The following FCHSD2 variants were observed in gnomAD, a reference collection of about 807,000 sequenced individuals.
The protein encoded by FCHSD2 is F-BAR and double SH3 domains protein 2.
In FCHSD2, 38 loss-of-function variants were observed where a neutral mutation model predicts 108.1. The observed-to-expected ratio is 0.35, with a 90% confidence interval of 0.27 to 0.46. The LOEUF (loss-of-function observed/expected upper bound fraction) is 0.46, where lower values mean the gene tolerates loss of function less well. Among genes scored for constraint, FCHSD2 ranks in the 20% least tolerant of loss-of-function variants. The pLI is 1.00. For missense variants in FCHSD2, 751 were observed against 897.8 expected (o/e 0.84, Z 2.09); for synonymous variants, 279 against 314.7 (o/e 0.89, Z 1.20).
At chr11:72,920,315 T>C (rs1267741368) in intron 9 of FCHSD2, among the ~76,000 whole-genome samples, 1 of 152,166 alleles carries the variant, frequency 6.6e-6, no homozygotes, top group Non-Finnish European at 1.5e-5. Flanking sequence ...ACATCAAATC[T>C]GATAAATGAA....
At chr11:72,885,995 C>A (rs577242230) in intron 12 of FCHSD2, among the ~76,000 whole-genome samples, 1 of 152,260 alleles carries the variant, frequency 6.6e-6, no homozygotes, top group African/African-American at 2.4e-5. Context: ...TGGGGCTGTA[C>A]CAAAAACATG....
intron 18 of FCHSD2, 86 bp from the exon 19 acceptor site, chr11:72,841,045 G>T (rs1860913974): frequency 1.0e-6 from 1 of 995,992 alleles, no homozygotes; most frequent in East Asian, 2.5e-5. Context: ...GCTTGAGCCT[G>T]TAATCCCAGC....
chr11:72,926,885 C>T (rs969305573), intron 8 of FCHSD2, among the ~76,000 whole-genome samples: 11 of 152,036 alleles, frequency 7.2e-5, no homozygotes, highest in African/African-American at 2.7e-4. Flanking sequence ...GAATGTCAGC[C>T]AGAATTATAC....
chr11:72,858,432 C>T (rs1482671915), intron 13 of FCHSD2, among the ~76,000 whole-genome samples: 6 of 152,190 alleles, frequency 3.9e-5, no homozygotes, highest in Admixed American at 1.3e-4. Flanking sequence ...GAATACTATG[C>T]AGCCATAAAG....
rs1442955992 is a variant in FCHSD2 at position 72,887,862 on chromosome 11, TGA to T, written c.1042-290_1042-289del. Among the ~76,000 whole-genome samples the T allele has an allele frequency of 2.6e-5, 4 of 152,232 alleles. No homozygotes were observed. The East Asian group carries it at 7.7e-4, about 29-fold the overall frequency. ...TGAGACCATCCAATACTCAGATTAG[TGA>T]GAGATAATGTAAAAACCCTCTTGTT... On this transcript the variant is annotated intron_variant, in intron 11 of 19. Coordinates refer to ENST00000409418, the MANE Select transcript of FCHSD2 (RefSeq NM_014824.3).
chr11:72,980,653 A>ATGTATG (rs1857194785), intron 8 of FCHSD2, among the ~76,000 whole-genome samples: 1 of 134,166 alleles, frequency 7.5e-6, no homozygotes, highest in Non-Finnish European at 1.6e-5. Context: ...TCATGTATAT[A>ATGTATG]TGTATGTGTA....
chr11:72,986,481 T>C (rs1413395339), intron 6 of FCHSD2, among the ~76,000 whole-genome samples: 7 of 152,222 alleles, frequency 4.6e-5, no homozygotes, highest in Admixed American at 2.6e-4. Context: ...AGTGCTGGGA[T>C]TACAGGCGTG....
At chr11:72,840,483 T>C (rs573541908) in intron 19 of FCHSD2, among the ~76,000 whole-genome samples, 120 of 152,344 alleles carry the variant, frequency 7.9e-4, no homozygotes, top group African/African-American at 2.8e-3. Context: ...ATAAACGCTC[T>C]TTAAGGCCAT....
intron 3 of FCHSD2, among the ~76,000 whole-genome samples, chr11:73,023,408 A>G (rs971320469): frequency 1.3e-5 from 2 of 152,210 alleles, no homozygotes; most frequent in Admixed American, 1.3e-4. Context: ...CAAAGAAGAT[A>G]TAAGAATGGC....
intron 2 of FCHSD2, among the ~76,000 whole-genome samples, chr11:73,090,219 C>CTTTTT (rs59603567): frequency 2.9e-4 from 22 of 77,020 alleles, no homozygotes; most frequent in East Asian, 7.3e-4. Context: ...TACAATACTT[C>CTTTTT]TTTTTTTTTT....
At chr11:72,856,742 T>C (rs932965402) in intron 13 of FCHSD2, among the ~76,000 whole-genome samples, 1 of 152,324 alleles carries the variant, frequency 6.6e-6, no homozygotes, top group South Asian at 2.1e-4. Context: ...ACTGAGTCTT[T>C]TGCCACTCAC....
At chr11:73,103,830 G>A (rs1860278497) in intron 2 of FCHSD2, among the ~76,000 whole-genome samples, 1 of 152,152 alleles carries the variant, frequency 6.6e-6, no homozygotes, top group Admixed American at 6.5e-5. Context: ...ACATTAACTT[G>A]ATGTGGTATT....
chr11:73,057,996 C>T (rs1859069271), intron 3 of FCHSD2, among the ~76,000 whole-genome samples: 2 of 152,120 alleles, frequency 1.3e-5, no homozygotes, highest in African/African-American at 4.8e-5. Flanking sequence ...CCTCCTGCCT[C>T]AGCTTCCCGA....
At chr11:73,045,854 A>C (rs184213415) in intron 3 of FCHSD2, among the ~76,000 whole-genome samples, 1 of 152,136 alleles carries the variant, frequency 6.6e-6, no homozygotes, top group African/African-American at 2.4e-5. Flanking sequence ...CCAGCATGGC[A>C]CATGTATACA....
At chr11:73,037,109 T>A (rs1334612423) in intron 3 of FCHSD2, among the ~76,000 whole-genome samples, 3 of 152,240 alleles carry the variant, frequency 2.0e-5, no homozygotes, top group East Asian at 1.9e-4. Flanking sequence ...TCACATTTTT[T>A]AAAAATTACA....
intron 2 of FCHSD2, among the ~76,000 whole-genome samples, chr11:73,114,391 T>A (rs1318701749): frequency 6.6e-6 from 1 of 151,674 alleles, no homozygotes; most frequent in Non-Finnish European, 1.5e-5. Context: ...AATCCTGGAA[T>A]CAGAGGCCCC....
intron 1 of FCHSD2, 134 bp from the exon 2 acceptor site, chr11:73,140,262 T>A: frequency 1.9e-6 from 1 of 525,156 alleles, no homozygotes; most frequent in Non-Finnish European, 3.4e-6. Flanking sequence ...ATATTCGCCA[T>A]CTAGTTTTAT....
At chr11:73,028,623 G>C (rs1858284996) in intron 3 of FCHSD2, among the ~76,000 whole-genome samples, 1 of 152,156 alleles carries the variant, frequency 6.6e-6, no homozygotes, top group Non-Finnish European at 1.5e-5. Flanking sequence ...TTTGAAATGT[G>C]AGAAGGACAT....
chr11:72,983,168 C>T (rs1045545257), intron 8 of FCHSD2, among the ~76,000 whole-genome samples: 2 of 151,252 alleles, frequency 1.3e-5, no homozygotes, highest in Non-Finnish European at 3.0e-5. Context: ...GTGGCGGGCG[C>T]CTGTAGTCCC....
Sources: gnomAD v4.1 joint callset for allele counts (sites outside exome capture counted in the v4.1 genomes callset) on GRCh38, gnomAD v4.1.1 for gene constraint, MANE v1.5 for transcripts, NCBI Gene and HGNC (gene_info 2026-07-23, HGNC 2026-07-21) for gene names.